Variants in ADGRB3 observed in about 807,000 individuals in gnomAD.
ADGRB3 encodes the protein adhesion G protein-coupled receptor B3, also known as brain-specific angiogenesis inhibitor 3.
ADGRB3 carries 37 observed loss-of-function variants against 193.4 expected under a neutral mutation model. The ratio of observed to expected loss-of-function variants is 0.19; its 90% CI spans 0.15 to 0.25. The LOEUF is 0.25. ADGRB3 is among the 10% of genes least tolerant of loss of function. The pLI, the probability that ADGRB3 is intolerant of heterozygous loss-of-function variation, is 1.00. For synonymous variants in ADGRB3, 690 were observed against 644.2 expected, an observed-to-expected ratio of 1.07 and a Z score of -1.08; for missense variants, 1,637 against 1,852.9, an observed-to-expected ratio of 0.88 and a Z score of 2.14.
At chr6:68,933,258 C>T (rs186452351) in intron 4 of ADGRB3, among the ~76,000 whole-genome samples, 1 of 152,058 alleles carries the variant, frequency 6.6e-6, no homozygotes, top group East Asian at 1.9e-4. Context: ...AGGAAAATAG[C>T]CTAAATTTGG....
intron 20 of ADGRB3, among the ~76,000 whole-genome samples, chr6:69,309,071 A>G (rs541198344): frequency 6.6e-6 from 1 of 151,864 alleles, no homozygotes; most frequent in South Asian, 2.1e-4. Flanking sequence ...GTGATTGGTG[A>G]ACTCCCCTCA....
intron 3 of ADGRB3, among the ~76,000 whole-genome samples, chr6:68,655,208 A>G (rs1417304755): frequency 6.6e-6 from 1 of 151,428 alleles, no homozygotes; most frequent in African/African-American, 2.4e-5. Flanking sequence ...CATAGTGTTT[A>G]AGGGTCAGAC....
At chr6:69,340,589 G>A (rs1389911162) in intron 26 of ADGRB3, among the ~76,000 whole-genome samples, 1 of 151,994 alleles carries the variant, frequency 6.6e-6, no homozygotes, top group Non-Finnish European at 1.5e-5. Context: ...TTTATCAGAT[G>A]GGAAGAACAA....
chr6:68,951,213 C>T (rs1767908214), intron 6 of ADGRB3, among the ~76,000 whole-genome samples: 1 of 151,996 alleles, frequency 6.6e-6, no homozygotes, highest in Admixed American at 6.6e-5. Flanking sequence ...ATTTTACAGT[C>T]CTCAGCCCCA....
At chr6:68,729,905 A>G (rs756211306) in intron 3 of ADGRB3, among the ~76,000 whole-genome samples, 1 of 151,600 alleles carries the variant, frequency 6.6e-6, no homozygotes, top group East Asian at 1.9e-4. Flanking sequence ...AAGTACTCTT[A>G]TGAGCTCTGG....
intron 3 of ADGRB3, among the ~76,000 whole-genome samples, chr6:68,887,135 T>C (rs1765933006): frequency 1.3e-5 from 2 of 151,968 alleles, no homozygotes; most frequent in Admixed American, 6.6e-5. Flanking sequence ...TTAGAGTAAG[T>C]TTCTAAAAGC....
chr6:69,293,605 A>AATT (rs1182268768), intron 20 of ADGRB3, among the ~76,000 whole-genome samples: 1 of 152,112 alleles, frequency 6.6e-6, no homozygotes, highest in African/African-American at 2.4e-5. Context: ...TCGTTCTCTA[A>AATT]AGAGTCTTGA....
intron 17 of ADGRB3, among the ~76,000 whole-genome samples, chr6:69,142,027 A>T (rs867175761): frequency 1.3e-5 from 2 of 152,214 alleles, no homozygotes; most frequent in Non-Finnish European, 2.9e-5. Flanking sequence ...TGAGTTTAGA[A>T]TCATAAATCC....
At chr6:69,051,958 G>T (rs369800060) in intron 15 of ADGRB3, among the ~76,000 whole-genome samples, 1 of 152,002 alleles carries the variant, frequency 6.6e-6, no homozygotes, top group South Asian at 2.1e-4. Flanking sequence ...GCAGTGGCGC[G>T]ATCTCCGCTC....
At chr6:68,926,300 C>T (rs1216702484) in intron 3 of ADGRB3, among the ~76,000 whole-genome samples, 1 of 152,008 alleles carries the variant, frequency 6.6e-6, no homozygotes, top group Non-Finnish European at 1.5e-5. Context: ...AATGAAAGTC[C>T]ATTTTTAATT....
intron 3 of ADGRB3, among the ~76,000 whole-genome samples, chr6:68,802,360 G>C (rs1389988812): frequency 6.6e-6 from 1 of 152,056 alleles, no homozygotes; most frequent in African/African-American, 2.4e-5. Context: ...AATATAAAAT[G>C]TTATATTATA....
intron 17 of ADGRB3, among the ~76,000 whole-genome samples, chr6:69,085,037 T>TCC (rs1245019368): frequency 2.6e-5 from 4 of 152,048 alleles, no homozygotes; most frequent in African/African-American, 9.7e-5. Context: ...TTTAAAGGTA[T>TCC]CATATACTTT....
At chr6:68,689,276 G>T (rs1765031130) in intron 3 of ADGRB3, among the ~76,000 whole-genome samples, 1 of 152,070 alleles carries the variant, frequency 6.6e-6, no homozygotes, top group South Asian at 2.1e-4. Context: ...AGGCACTGAG[G>T]CAGGCAGGCA....
Position 69,361,453 on chromosome 6 carries a change from G to A in ADGRB3, c.4180G>A (p.Asp1394Asn). 3 of 1,612,782 alleles carry A rather than the reference G, an allele frequency of 1.9e-6. No homozygotes were observed. The highest frequency in any genetic ancestry group is 2.5e-6 in the Non-Finnish European group (3 of 1,179,100). The change falls in exon 29 of 32, where the codon GAT becomes AAT. Residue 1394 changes from aspartate (D) to asparagine (N), a missense_variant. Transcript: ENST00000370598. ...GAATTTCATGGCCTCTGAGTTGGATGATAATGCAGGACTATCAAGAAGTGA... is the reference window on the plus strand; with the variant it reads ...GAATTTCATGGCCTCTGAGTTGGATAATAATGCAGGACTATCAAGAAGTGA... ...VKNFMASELD[D>N]NAGLSRSETG...
chr6:68,774,634 CTTTA>C (rs1766704067), intron 3 of ADGRB3, among the ~76,000 whole-genome samples: 1 of 151,190 alleles, frequency 6.6e-6, no homozygotes, highest in Non-Finnish European at 1.5e-5. Flanking sequence ...TTTCTTTTTT[CTTTA>C]TTTAGTGATC....
chr6:68,751,806 T>C (rs12201488), intron 3 of ADGRB3, among the ~76,000 whole-genome samples: 54,155 of 152,072 alleles, frequency 0.36, 10,494 homozygotes, highest in East Asian at 0.64. Context: ...GGGCATACTG[T>C]AATTATTTTA....
intron 17 of ADGRB3, among the ~76,000 whole-genome samples, chr6:69,205,394 C>CTT (rs10715013): frequency 4.1e-5 from 6 of 146,774 alleles, no homozygotes; most frequent in African/African-American, 1.5e-4. Context: ...AATAAAAGAC[C>CTT]TTTTTTTTTT....
chr6:69,053,398 T>C (rs1034087625), intron 15 of ADGRB3, among the ~76,000 whole-genome samples: 34 of 152,248 alleles, frequency 2.2e-4, no homozygotes, highest in African/African-American at 6.8e-4. Context: ...ATTCCCTCTA[T>C]TCTGTTACTA....
chr6:68,792,481 G>A (rs1036391975), intron 3 of ADGRB3, among the ~76,000 whole-genome samples: 5 of 152,122 alleles, frequency 3.3e-5, no homozygotes, highest in African/African-American at 1.2e-4. Flanking sequence ...TAAGGCCTTG[G>A]TTTTCCTTCT....
Sources: allele counts gnomAD v4.1 joint callset (sites outside exome capture counted in the v4.1 genomes callset), GRCh38; gene constraint gnomAD v4.1.1; transcripts MANE v1.5; gene names NCBI Gene and HGNC (gene_info 2026-07-23, HGNC 2026-07-21).